The following SURF2 variants were observed in gnomAD, a reference collection of about 807,000 sequenced individuals.
SURF2 encodes the protein surfeit locus protein 2.
In SURF2, 32 loss-of-function variants were observed where a neutral mutation model predicts 26.2. The ratio of observed to expected loss-of-function variants is 1.22; its 90% CI spans 0.92 to 1.64. The LOEUF is 1.64. Ranked by LOEUF, SURF2 falls within the 40% of genes most tolerant of loss-of-function variation. The pLI is 0.00. For synonymous variants in SURF2, 173 were observed against 139.1 expected (o/e 1.24, Z -1.71); for missense variants, 415 against 341.6 (o/e 1.21, Z -1.69).
rs2130050745 is a variant in SURF2, at chr9:133,360,370, A to C, written c.623A>C (p.Lys208Thr). 2.0e-5 allele frequency: 32 copies of C among 1,613,988 alleles called. No individual in the cohort carries two copies. The highest frequency in any genetic ancestry group is 1.8e-4 in the East Asian group (8 of 44,876). ...EDEKAKPPRE[K>T]ATDEGRRETT... is the part of the protein sequence containing the mutation. ...GAGAAGGCAAAGCCCCCAAGAGAGAAGGCCACTGATGAGGGCAGGAGAGAG... is the reference window on the plus strand; with the variant it reads ...GAGAAGGCAAAGCCCCCAAGAGAGACGGCCACTGATGAGGGCAGGAGAGAG... The change falls in exon 5 of 6, where the codon AAG becomes ACG. Residue 208 changes from lysine to threonine, a missense_variant. Physicochemically the swap from Lys to Thr is moderately conservative, Grantham distance 78 (BLOSUM62 -1). Coordinates refer to ENST00000371964, the MANE Select transcript of SURF2 (RefSeq NM_017503.5).
At position 133,360,038 on chromosome 9, in the gene SURF2, CG is replaced by C; in HGVS notation, c.429del (p.Pro144LeufsTer24). 6.2e-7 allele frequency: 1 copy of C among 1,613,976 alleles called. No individual in the cohort carries two copies. Among genetic ancestry groups the C allele is most frequent in the Non-Finnish European group, 8.5e-7 (1 of 1,179,932 alleles). On this transcript the variant is annotated frameshift_variant, in exon 4 of 6. Coordinates refer to ENST00000371964, the MANE Select transcript of SURF2 (RefSeq NM_017503.5). LOFTEE classifies it high-confidence loss of function. ...RRREDQMDGD[G>X]PRPREAFWEP... is the part of the protein sequence containing the mutation. ...GGAGGGAGGACCAGATGGACGGTGA[CG>C]GGCCTCGCCCGCGGGAAGCCTTCTG...
In SURF2 at chr9:133,360,010, G is replaced by A; in HGVS notation, c.398G>A (p.Arg133Lys). ...CCTGCCTGCCTGGTGCACCGGAGGA[G>A]GAGGAGGGAGGACCAGATGGACGGT... ...YVPACLVHRR[R>K]RREDQMDGDG... is the part of the protein sequence containing the mutation. Residue 133 changes from arginine to lysine, a missense_variant, in exon 4 of 6, where the codon AGG (arginine) becomes AAG (lysine). Coordinates refer to ENST00000371964, the MANE Select transcript of SURF2 (RefSeq NM_017503.5). The A allele has an allele frequency of 6.2e-7, 1 of 1,614,136 alleles. No homozygotes were observed. Among genetic ancestry groups the A allele is most frequent in the Non-Finnish European group, 8.5e-7 (1 of 1,179,986 alleles).
chr9:133,356,865 G>A (rs1191980352), intron 1 of SURF2, 49 bp from the exon 2 acceptor site: 14 of 1,498,974 alleles, frequency 9.3e-6, no homozygotes, highest in Non-Finnish European at 1.2e-5. Context: ...GGGCACCAGG[G>A]AGCGGAGCCC....
rs2130050822 is a variant in SURF2 at position 133,360,379 on chromosome 9, A to C, written c.632A>C (p.Asp211Ala). ...KAKPPREKATDEGRRETTVYR... is the reference protein window; with the variant it reads ...KAKPPREKATAEGRRETTVYR... ...AAGCCCCCAAGAGAGAAGGCCACTGATGAGGGCAGGAGAGAGACGACCGTG... is the reference window on the plus strand; with the variant it reads ...AAGCCCCCAAGAGAGAAGGCCACTGCTGAGGGCAGGAGAGAGACGACCGTG... The change falls in exon 5 of 6, where the codon GAT becomes GCT. Residue 211 changes from aspartate to alanine, a missense_variant. Coordinates refer to ENST00000371964, the MANE Select transcript of SURF2 (RefSeq NM_017503.5). The C allele has an allele frequency of 8.1e-6, 13 of 1,613,654 alleles. No individual in the cohort carries two copies. The African/African-American group carries it at 1.7e-4, about 22-fold the overall frequency.
At chr9:133,360,203 T>C (rs1836725118) in intron 4 of SURF2, 62 bp from the exon 5 acceptor site, 1 of 1,596,274 alleles carries the variant, frequency 6.3e-7, no homozygotes, top group Non-Finnish European at 8.5e-7. Flanking sequence ...CTGCCTCCCC[T>C]GCAAAGGTGG....
chr9:133,358,104 C>CT (rs1465972344), intron 3 of SURF2, among the ~76,000 whole-genome samples: 1 of 152,092 alleles, frequency 6.6e-6, no homozygotes, highest in Non-Finnish European at 1.5e-5. Context: ...GACAGGAGGG[C>CT]TGGGGAGACT....
At position 133,356,712 on chromosome 9, in the gene SURF2, C is replaced by G. The variant is rs1199438080; in HGVS notation, c.78+42C>G. ...GGGAACGGAGTGGCGGAGAAGGGCG[C>G]AGTTGGGATGAGGGGCTGAGGGGAG... On this transcript the variant is annotated intron_variant, in intron 1 of 5. Transcript: ENST00000371964. 3.4e-6 allele frequency: 5 copies of G among 1,478,938 alleles called. No individual in the cohort carries two copies. The South Asian group carries it at 3.9e-5, about 11-fold the overall frequency. 91.6% of individuals were successfully genotyped at this position (1,478,938 alleles called of 1,614,324 possible).
At chr9:133,360,767 T>C (rs1213385850) in intron 5 of SURF2, among the ~76,000 whole-genome samples, 1 of 152,226 alleles carries the variant, frequency 6.6e-6, no homozygotes, top group Admixed American at 6.5e-5. Context: ...CCTTTGCCTT[T>C]GCCATCAGGG....
In SURF2 at chr9:133,359,978, G is replaced by GT. The variant is rs1209765682; in HGVS notation, c.367dup (p.Tyr123LeufsTer20). 8 of 1,613,400 alleles carry GT rather than the reference G, an allele frequency of 5.0e-6. No individual in the cohort carries two copies. Among genetic ancestry groups the GT allele is most frequent in the Non-Finnish European group, 6.8e-6 (8 of 1,179,564 alleles). ...AAGAATGTCAGAAGCAAGGGGTGGA[G>GT]TACGTGCCTGCCTGCCTGGTGCACC... On this transcript the variant is annotated frameshift_variant, in exon 4 of 6. Coordinates refer to ENST00000371964, the MANE Select transcript of SURF2 (RefSeq NM_017503.5). LOFTEE classifies it high-confidence loss of function.
rs2130037051 is a variant in SURF2, at chr9:133,357,815, G to A, written c.337+1G>A. The A allele has an allele frequency of 6.2e-7, 1 of 1,613,158 alleles. No individual in the cohort carries two copies. The highest frequency in any genetic ancestry group is 1.7e-4 in the Middle Eastern group (1 of 6,050). On this transcript the variant is annotated splice_donor_variant, in intron 3 of 5. Coordinates refer to ENST00000371964, the MANE Select transcript of SURF2 (RefSeq NM_017503.5). LOFTEE classifies it high-confidence loss of function. ...CGGTACCAGCGAGCTCTGTGTAAATGTAAGTCCCAGTGGACCCCCATCAGT... is the reference window on the plus strand; with the variant it reads ...CGGTACCAGCGAGCTCTGTGTAAATATAAGTCCCAGTGGACCCCCATCAGT...
Position 133,356,906 on chromosome 9 carries a change from G to A in SURF2, c.79-8G>A. ...CTCCTGACGTCCTGCCCGCCCACGC[G>A]TCCGCAGGTGAGGTGCATCCTGACA... On this transcript the variant is annotated splice_region_variant and splice_polypyrimidine_tract_variant and intron_variant, in intron 1 of 5. Coordinates refer to ENST00000371964, the MANE Select transcript of SURF2 (RefSeq NM_017503.5). The A allele has an allele frequency of 1.3e-6, 2 of 1,545,490 alleles. No individual in the cohort carries two copies. Among genetic ancestry groups the A allele is most frequent in the Non-Finnish European group, 1.7e-6 (2 of 1,144,660 alleles).
At position 133,360,921 on chromosome 9, in the gene SURF2, G is replaced by A. The variant is rs2130055410; in HGVS notation, c.688-135G>A. ...CTAATCCTGCAGCTGTTAAGGAAAC[G>A]GGGGTGGAGAAAGCCTCTGTGGGTA... On this transcript the variant is annotated intron_variant, in intron 5 of 5. Coordinates refer to ENST00000371964, the MANE Select transcript of SURF2 (RefSeq NM_017503.5). 6.2e-5 allele frequency: 54 copies of A among 870,192 alleles called. No individual in the cohort carries two copies. In the East Asian group the frequency reaches 1.2e-3, roughly 19 times the overall value. The allele number at this position is 870,192 out of a possible 1,614,324, so 53.9% of individuals were successfully genotyped here.
chr9:133,359,632 T>C (rs1222879362), intron 3 of SURF2, among the ~76,000 whole-genome samples: 1 of 152,226 alleles, frequency 6.6e-6, no homozygotes, highest in South Asian at 2.1e-4. Context: ...CATGCCAAGC[T>C]CACTGGGGCA....
intron 1 of SURF2, 94 bp downstream of exon 1, chr9:133,356,764 GAGGGGAGAGGGGAGAGC>G (rs1369186993): frequency 2.3e-6 from 3 of 1,290,866 alleles, no homozygotes; most frequent in Non-Finnish European, 3.1e-6. Context: ...GGGCAGGGGA[GAGGGGAGAGGGGAGAGC>G]AGGAGAGAGG....
chr9:133,360,486 T>G (rs1588698544), intron 5 of SURF2, 52 bp downstream of exon 5: 1 of 1,492,582 alleles, frequency 6.7e-7, no homozygotes, highest in Non-Finnish European at 8.9e-7. Flanking sequence ...CTAGTGATGG[T>G]TTTCCATTTG....
rs2130028221 is a variant in SURF2 at position 133,356,582 on chromosome 9, G to A, written c.-11G>A. ...CGGCTTCCGCCGGGCTGCTCCGCGG[G>A]CGCGTCGGCCATGAGCGAGTTGCCG... On this transcript the variant is annotated 5_prime_UTR_variant, in exon 1 of 6. Coordinates refer to ENST00000371964, the MANE Select transcript of SURF2 (RefSeq NM_017503.5). 5.5e-4 allele frequency: 834 copies of A among 1,517,074 alleles called. 2 individuals are homozygous for A. Among genetic ancestry groups the A allele is most frequent in the South Asian group, 3.0e-3 (247 of 82,600 alleles). 94.0% of individuals were successfully genotyped at this position (1,517,074 alleles called of 1,614,324 possible). A position where few individuals can be genotyped will look rare whatever the true frequency, so the allele number is the denominator to read the frequency against.
rs1456391847 is a variant in SURF2, at chr9:133,361,071, T to C, written c.703T>C (p.Leu235=). 6.8e-6 allele frequency: 11 copies of C among 1,613,980 alleles called. No individual in the cohort carries two copies. The highest frequency in any genetic ancestry group is 9.3e-6 in the Non-Finnish European group (11 of 1,179,998). The part of the protein sequence containing the change: ...QKRGKKQLGS[L]KKKFKSHHRK... Reference sequence around the variant, plus strand: ...TATCCCACAGAAGCAGTTGGGCTCGTTGAAAAAGAAGTTCAAGAGTCATCA... The same window carrying C: ...TATCCCACAGAAGCAGTTGGGCTCGCTGAAAAAGAAGTTCAAGAGTCATCA... Residue 235 remains leucine, a synonymous_variant, in exon 6 of 6, where the codon TTG becomes CTG. Transcript: ENST00000371964.
chr9:133,360,776 G>A (rs913232559), intron 5 of SURF2, among the ~76,000 whole-genome samples: 9 of 152,222 alleles, frequency 5.9e-5, no homozygotes, highest in Non-Finnish European at 1.3e-4. Flanking sequence ...TTGCCATCAG[G>A]GCAGGAGTGG....
intron 3 of SURF2, 71 bp from the exon 4 acceptor site, chr9:133,359,878 CA>C (rs2130044348): frequency 5.3e-6 from 8 of 1,506,390 alleles, no homozygotes; most frequent in Non-Finnish European, 7.1e-6. Flanking sequence ...GTGCAGTCCT[CA>C]TAAGTTAGCT....
Sources: allele counts gnomAD v4.1 joint callset (sites outside exome capture counted in the v4.1 genomes callset), GRCh38; gene constraint gnomAD v4.1.1; transcripts MANE v1.5; gene names NCBI Gene and HGNC (gene_info 2026-07-23, HGNC 2026-07-21).